Variants in CDYL observed in about 807,000 individuals in gnomAD.
The protein encoded by CDYL is chromodomain Y like.
Under a neutral mutation model 47.3 loss-of-function variants are expected in CDYL, and 8 were observed. That is an observed-to-expected ratio of 0.17 (90% confidence interval 0.10 to 0.31). CDYL has a LOEUF of 0.31. Among genes scored for constraint, CDYL ranks in the 10% least tolerant of loss-of-function variants. The probability of loss-of-function intolerance (pLI) is 1.00; values close to 1 mark genes in which losing one functional copy is unlikely to be tolerated. For synonymous variants in CDYL, 266 were observed against 265.0 expected, an observed-to-expected ratio of 1.00 and a Z score of -0.04; for missense variants, 471 against 701.4, an observed-to-expected ratio of 0.67 and a Z score of 3.71.
intron 1 of CDYL, among the ~76,000 whole-genome samples, chr6:4,816,045 T>G (rs1443176910): frequency 1.3e-5 from 2 of 151,876 alleles, no homozygotes; most frequent in Admixed American, 6.6e-5. Context: ...GATTGAGCTT[T>G]AAAATTTTTC....
chr6:4,879,681 C>T (rs1192486251), intron 1 of CDYL, among the ~76,000 whole-genome samples: 1 of 151,430 alleles, frequency 6.6e-6, no homozygotes, highest in Non-Finnish European at 1.5e-5. Context: ...GCCTCAGCCT[C>T]CCAGGTAGCT....
chr6:4,935,034 G>GCT (rs1407034452), intron 2 of CDYL, among the ~76,000 whole-genome samples: 2 of 152,224 alleles, frequency 1.3e-5, no homozygotes, highest in East Asian at 3.8e-4. Context: ...CTGCCACACA[G>GCT]CTCTATGACC....
intron 1 of CDYL, among the ~76,000 whole-genome samples, chr6:4,712,579 G>T (rs992154647): frequency 5.9e-5 from 9 of 152,174 alleles, no homozygotes; most frequent in Admixed American, 5.9e-4. Flanking sequence ...GGACAGCTGC[G>T]GATGGTGGGT....
At chr6:4,758,968 C>CT (rs753662724) in intron 3 of CDYL, among the ~76,000 whole-genome samples, 8,078 of 131,860 alleles carry the variant, frequency 0.061, 946 homozygotes, top group African/African-American at 0.21. Context: ...TTTTCTTTTT[C>CT]TTTTTTTTTT....
chr6:4,900,779 GTATATATATATATATATATATA>G lies in CDYL; in HGVS notation c.691+8430_691+8451del, dbSNP rs59594195. Among the ~76,000 whole-genome samples, 332 of 51,724 alleles carry G rather than the reference GTATATATATATATATATATATA, an allele frequency of 6.4e-3. 51 individuals are homozygous for G. The highest frequency in any genetic ancestry group is 0.014 in the African/African-American group (228 of 15,888). The allele number at this position is 51,724 out of a possible 152,430, so 33.9% of individuals were successfully genotyped here. On this transcript the variant is annotated intron_variant, in intron 2 of 6. Transcript: ENST00000397588. ...TCTTCTGTTAATTCCGTATACGTGT[GTATATATATATATATATATATA>G]TATATATATATATATATATATATAT...
chr6:4,879,555 T>TG (rs1761708112), intron 1 of CDYL, among the ~76,000 whole-genome samples: 1 of 124,356 alleles, frequency 8.0e-6, no homozygotes, highest in African/African-American at 3.8e-5. Flanking sequence ...TTGTGGGGTT[T>TG]TTTTTTTTTT....
intron 1 of CDYL, among the ~76,000 whole-genome samples, chr6:4,888,158 G>A (rs903742057): frequency 1.3e-5 from 2 of 152,004 alleles, no homozygotes; most frequent in African/African-American, 4.8e-5. Context: ...GCTTTCTTGT[G>A]ATGTCTTTTG....
At chr6:4,864,905 T>C (rs1761275441) in intron 1 of CDYL, among the ~76,000 whole-genome samples, 1 of 152,202 alleles carries the variant, frequency 6.6e-6, no homozygotes, top group African/African-American at 2.4e-5. Flanking sequence ...TTACAAATTA[T>C]AGGAAGGAAG....
chr6:4,826,675 G>A (rs1471414476), intron 1 of CDYL, among the ~76,000 whole-genome samples: 4 of 152,006 alleles, frequency 2.6e-5, no homozygotes, highest in Non-Finnish European at 5.9e-5. Flanking sequence ...TTTTCTTTTG[G>A]TGTTAATTTC....
chr6:4,783,530 C>T (rs1758674900), intron 1 of CDYL, among the ~76,000 whole-genome samples: 1 of 151,800 alleles, frequency 6.6e-6, no homozygotes, highest in East Asian at 1.9e-4. Context: ...GATTCTCCTG[C>T]CTCAGCCTTT....
chr6:4,853,026 G>A (rs1196599042), intron 1 of CDYL, among the ~76,000 whole-genome samples: 1 of 152,154 alleles, frequency 6.6e-6, no homozygotes, highest in Non-Finnish European at 1.5e-5. Context: ...CTGGCCTCAA[G>A]TGGTCCTCCT....
intron 1 of CDYL, among the ~76,000 whole-genome samples, chr6:4,826,538 CTG>C (rs913533674): frequency 6.6e-6 from 1 of 152,074 alleles, no homozygotes; most frequent in African/African-American, 2.4e-5. Flanking sequence ...CATACTTTTT[CTG>C]TGTTGTGATT....
At chr6:4,917,579 A>C (rs1757592968) in intron 2 of CDYL, among the ~76,000 whole-genome samples, 1 of 152,236 alleles carries the variant, frequency 6.6e-6, no homozygotes, top group Admixed American at 6.5e-5. Flanking sequence ...CTGTTTCTCT[A>C]ATCTCCGATT....
intron 1 of CDYL, among the ~76,000 whole-genome samples, chr6:4,874,018 A>G (rs2127474548): frequency 6.6e-6 from 1 of 152,226 alleles, no homozygotes; most frequent in East Asian, 1.9e-4. Context: ...ACAGAGTAAG[A>G]TTGTTTTAAA....
intron 1 of CDYL, among the ~76,000 whole-genome samples, chr6:4,828,769 C>A (rs547097711): frequency 6.4e-4 from 98 of 152,290 alleles, no homozygotes; most frequent in African/African-American, 2.3e-3. Context: ...TGGTGTCCTG[C>A]TAGCCTACTA....
intron 1 of CDYL, among the ~76,000 whole-genome samples, chr6:4,848,809 C>T (rs1208022365): frequency 6.6e-6 from 1 of 152,212 alleles, no homozygotes; most frequent in Non-Finnish European, 1.5e-5. Context: ...CTGGAGGCTT[C>T]TCTGTGAAGC....
chr6:4,724,301 T>C (rs2127411356), intron 2 of CDYL: 1 of 152,216 alleles, frequency 6.6e-6, no homozygotes, highest in African/African-American at 2.4e-5. Context: ...TCCACCCACC[T>C]TGGCCTCCCA....
rs17138929 is a variant in CDYL, at chr6:4,892,971, C to T, written c.691+592C>T. On this transcript the variant is annotated intron_variant, in intron 2 of 6. Transcript: ENST00000397588. Reference sequence around the variant, plus strand: ...TTTTACTCTCATCCCCAGCCCCGCTCCTGGGTTCTGCAGCTGCCTTGGTTG... The same window carrying T: ...TTTTACTCTCATCCCCAGCCCCGCTTCTGGGTTCTGCAGCTGCCTTGGTTG... 3.0e-3 allele frequency among the ~76,000 whole-genome samples: 458 copies of T among 152,352 alleles called. 14 individuals are homozygous for T. In the East Asian group the frequency reaches 0.041, roughly 14 times the overall value.
chr6:4,900,779 G>GTGTGTGTGTGTGTGTATATGTATA, intron 2 of CDYL, among the ~76,000 whole-genome samples: 1 of 51,706 alleles, frequency 1.9e-5, no homozygotes, highest in African/African-American at 6.3e-5. Context: ...GTATACGTGT[G>GTGTGTGTGTGTGTGTATATGTATA]TATATATATA....
Sources: gnomAD v4.1 joint callset for allele counts (sites outside exome capture counted in the v4.1 genomes callset) on GRCh38, gnomAD v4.1.1 for gene constraint, MANE v1.5 for transcripts, NCBI Gene and HGNC (gene_info 2026-07-23, HGNC 2026-07-21) for gene names.